Variants in ENTPD1 observed in about 807,000 individuals in gnomAD.
ENTPD1 encodes ectonucleoside triphosphate diphosphohydrolase 1, also known as ATP diphosphohydrolase.
ENTPD1 carries 33 observed loss-of-function variants against 57.0 expected under a neutral mutation model. The ratio of observed to expected loss-of-function variants is 0.58; its 90% CI spans 0.44 to 0.77. The LOEUF (loss-of-function observed/expected upper bound fraction) is 0.77. Among genes scored for constraint, ENTPD1 ranks in the 30% least tolerant of loss-of-function variants. ENTPD1 has a pLI of 0.00. For missense variants in ENTPD1, 501 were observed against 603.4 expected (o/e 0.83, Z 1.78); for synonymous variants, 202 against 218.8 (o/e 0.92, Z 0.68).
At chr10:95,834,920 CT>C (rs2098405843) in intron 2 of ENTPD1, among the ~76,000 whole-genome samples, 1 of 137,548 alleles carries the variant, frequency 7.3e-6, no homozygotes, top group Non-Finnish European at 1.7e-5. Context: ...GAGACTCCGT[CT>C]CAAAAAAAAA....
At chr10:95,798,150 C>G (rs977604028) in intron 1 of ENTPD1, among the ~76,000 whole-genome samples, 1 of 152,094 alleles carries the variant, frequency 6.6e-6, no homozygotes, top group Non-Finnish European at 1.5e-5. Context: ...TGCTTATGTA[C>G]TAAGATGTCA....
At chr10:95,804,711 C>G (rs1453682253) in intron 1 of ENTPD1, among the ~76,000 whole-genome samples, 2 of 152,190 alleles carry the variant, frequency 1.3e-5, no homozygotes, top group African/African-American at 4.8e-5. Context: ...ACTTCCAACA[C>G]TATGTTGAAT....
chr10:95,711,029 C>G (rs999216814), upstream of ENTPD1, among the ~76,000 whole-genome samples: 1 of 152,136 alleles, frequency 6.6e-6, no homozygotes. Flanking sequence ...GGTGCCCTCT[C>G]GGACTTTCTC....
At position 95,839,737 on chromosome 10, in the gene ENTPD1, T is replaced by C. The variant is rs139263219; in HGVS notation, c.191T>C (p.Ile64Thr). Residue 64 changes from isoleucine to threonine, a missense_variant, in exon 3 of 10, where the codon ATC becomes ACC. Ile to Thr is a moderately conservative substitution (Grantham distance 89). Transcript: ENST00000371205. ...DAGSSHTSLYIYKWPAEKEND... is the reference protein window; with the variant it reads ...DAGSSHTSLYTYKWPAEKEND... ...GGTTCTTCTCACACAAGTTTATACA[T>C]CTATAAGTGGCCAGCAGAAAAGGAG... The C allele has an allele frequency of 1.2e-6, 2 of 1,613,936 alleles. No individual in the cohort carries two copies. Among genetic ancestry groups the C allele is most frequent in the African/African-American group, 2.7e-5 (2 of 74,872 alleles).
chr10:95,708,146 G>C (rs2097963254), upstream of ENTPD1, among the ~76,000 whole-genome samples: 1 of 151,870 alleles, frequency 6.6e-6, no homozygotes, highest in South Asian at 2.1e-4. Flanking sequence ...TATCTATTAA[G>C]TTTTTATATG....
At chr10:95,839,608 A>G in intron 2 of ENTPD1, 83 bp from the exon 3 acceptor site, 8 of 1,428,052 alleles carry the variant, frequency 5.6e-6, no homozygotes, top group Non-Finnish European at 6.9e-6. Context: ...ATGTTTTTGA[A>G]AATTCCAGTC....
At chr10:95,864,411 G>T (rs938827926) in intron 8 of ENTPD1, among the ~76,000 whole-genome samples, 1 of 152,224 alleles carries the variant, frequency 6.6e-6, no homozygotes, top group African/African-American at 2.4e-5. Flanking sequence ...AAAGTCTAGG[G>T]CATGAACAGA....
intron 1 of ENTPD1, among the ~76,000 whole-genome samples, chr10:95,802,440 A>G (rs1420660646): frequency 6.6e-6 from 1 of 151,192 alleles, no homozygotes; most frequent in East Asian, 1.9e-4. Flanking sequence ...TTCTGTTTTG[A>G]ATGATTTATT....
chr10:95,784,814 A>G (rs367999108), intron 1 of ENTPD1, among the ~76,000 whole-genome samples: 1 of 152,172 alleles, frequency 6.6e-6, no homozygotes, highest in Non-Finnish European at 1.5e-5. Context: ...CAAAGCTTCA[A>G]GTCTCTCATT....
At chr10:95,846,888 C>G (rs752446239) in intron 6 of ENTPD1, among the ~76,000 whole-genome samples, 1 of 151,856 alleles carries the variant, frequency 6.6e-6, no homozygotes, top group Non-Finnish European at 1.5e-5. Flanking sequence ...ACTAAGGAGT[C>G]TGAGGCAGGA....
intron 1 of ENTPD1, among the ~76,000 whole-genome samples, chr10:95,771,606 C>T (rs897704263): frequency 6.6e-6 from 1 of 152,140 alleles, no homozygotes; most frequent in Admixed American, 6.6e-5. Context: ...CGTATGACTC[C>T]TTGGACCTTG....
chr10:95,870,293 A>ATT lies in ENTPD1; in HGVS notation c.*3919_*3920dup. The ATT allele has an allele frequency of 1.1e-6, 1 of 923,314 alleles. No homozygotes were observed. Among genetic ancestry groups the ATT allele is most frequent in the Non-Finnish European group, 1.3e-6 (1 of 774,488 alleles). The allele number at this position is 923,314 out of a possible 1,614,324, so 57.2% of individuals were successfully genotyped here. A position where few individuals can be genotyped will look rare whatever the true frequency, so the allele number is the denominator to read the frequency against. The stretch of plus-strand genomic sequence containing the variant: ...AAATTTGAATATTAAAATAAAGATG[A>ATT]TTTTTTTTTTGGAGCTAGTCTTGCT... On this transcript the variant is annotated 3_prime_UTR_variant, in exon 10 of 10. Transcript: ENST00000371205.
chr10:95,701,145 A>G, the ENTPD1 span, among the ~76,000 whole-genome samples: 3 of 152,226 alleles, frequency 2.0e-5, no homozygotes, highest in Non-Finnish European at 2.9e-5. Context: ...CAGATGTGGT[A>G]ATAGTAATGA....
upstream of ENTPD1, among the ~76,000 whole-genome samples, chr10:95,707,411 G>C (rs918708783): frequency 2.6e-5 from 4 of 152,220 alleles, no homozygotes; most frequent in Admixed American, 2.6e-4. Context: ...CCTCCCACTG[G>C]CTCCATGGAG....
rs2098480804 is a variant in ENTPD1 at position 95,871,833 on chromosome 10, G to C, written c.*5450G>C. ...ATCAGAGAACATGTATTAGTCAATG[G>C]TAAGTAAGATACTCTCATCTAAGAA... On this transcript the variant is annotated 3_prime_UTR_variant, in exon 10 of 10. Transcript: ENST00000371205. 2 of 985,246 alleles carry C rather than the reference G, an allele frequency of 2.0e-6. No individual in the cohort carries two copies. The allele number at this position is 985,246 out of a possible 1,614,324, so 61.0% of individuals were successfully genotyped here.
chr10:95,735,851 C>G (rs11188461), intron 1 of ENTPD1, among the ~76,000 whole-genome samples: 11,131 of 152,180 alleles, frequency 0.073, 453 homozygotes, highest in African/African-American at 0.097. Context: ...CCCACCTTGG[C>G]CTCCCAAAGG....
Position 95,871,654 on chromosome 10 carries a change from A to C in ENTPD1, c.*5271A>C. On this transcript the variant is annotated 3_prime_UTR_variant, in exon 10 of 10. Transcript: ENST00000371205. ...CTCTTCATTTGAAGTGAAGATTGCT[A>C]TGTCTTTTGCATTGCTCTATTTTAC... is the stretch of plus-strand genomic sequence containing the variant. 3 of 984,976 alleles carry C rather than the reference A, an allele frequency of 3.0e-6. No individual in the cohort carries two copies. In the South Asian group the frequency reaches 1.4e-4, roughly 46 times the overall value. 61.0% of individuals were successfully genotyped at this position (984,976 alleles called of 1,614,324 possible). A position where few individuals can be genotyped will look rare whatever the true frequency, so the allele number is the denominator to read the frequency against.
At chr10:95,736,140 A>G (rs1004253241) in intron 1 of ENTPD1, among the ~76,000 whole-genome samples, 1 of 151,596 alleles carries the variant, frequency 6.6e-6, no homozygotes, top group African/African-American at 2.4e-5. Flanking sequence ...AGCTGGGATT[A>G]CAGGCTCATG....
chr10:95,818,985 G>A (rs1381040396), intron 1 of ENTPD1, among the ~76,000 whole-genome samples: 1 of 152,180 alleles, frequency 6.6e-6, no homozygotes, highest in African/African-American at 2.4e-5. Context: ...AATCTAGTCA[G>A]TCACATTGGA....
Sources: allele counts gnomAD v4.1 joint callset (sites outside exome capture counted in the v4.1 genomes callset), GRCh38; gene constraint gnomAD v4.1.1; transcripts MANE v1.5; gene names NCBI Gene and HGNC (gene_info 2026-07-23, HGNC 2026-07-21).